The following MED25 variants were observed in gnomAD, a reference collection of about 807,000 sequenced individuals.
MED25 encodes the protein mediator of RNA polymerase II transcription subunit 25.
Under a neutral mutation model 89.4 loss-of-function variants are expected in MED25, and 62 were observed. That is an observed-to-expected ratio of 0.69 (90% CI 0.57 to 0.86). The LOEUF is 0.86. Among genes scored for constraint, MED25 ranks in the 40% least tolerant of loss-of-function variants. MED25 has a pLI of 0.00. For missense variants in MED25, 905 were observed against 1,005.2 expected (o/e 0.90, Z 1.35); for synonymous variants, 449 against 427.9 (o/e 1.05, Z -0.61).
rs762620231 is a variant in MED25 at position 49,835,210 on chromosome 19, G to A, written c.1674+33G>A. 56 of 1,611,520 alleles carry A rather than the reference G, an allele frequency of 3.5e-5. No homozygotes were observed. The highest frequency in any genetic ancestry group is 4.6e-5 in the Non-Finnish European group (54 of 1,178,178). On this transcript the variant is annotated intron_variant, in intron 14 of 17. Transcript: ENST00000312865. This position sits in a 1 kb window ranked among gnomAD's most constrained non-coding sequence, Gnocchi z 6.2. ...TTGACAGTCCCCAAACCAGCACTCC[G>A]ACCCCCTCCTGCCCGGGCCCCACAT...
rs772259172 is a variant in MED25, at chr19:49,828,438, TG to T, written c.306-10del. 38 of 1,597,592 alleles carry T rather than the reference TG, an allele frequency of 2.4e-5. No homozygotes were observed. The African/African-American group carries it at 4.6e-4, about 19-fold the overall frequency. ...TGGCAACCCTGGGGGCTGACCGCTC[TG>T]CCCCTGCAGGTTCATGGGCGGGGGT... On this transcript the variant is annotated splice_polypyrimidine_tract_variant and intron_variant, in intron 3 of 17. Transcript: ENST00000312865.
intron 3 of MED25, chr19:49,819,735 CT>C (rs1383678256): frequency 9.2e-6 from 3 of 326,354 alleles, no homozygotes; most frequent in Admixed American, 4.4e-5. Context: ...CCGTCTACCC[CT>C]GTCCTCCTTT....
chr19:49,828,936 C>T (rs369158132), intron 4 of MED25, 34 bp from the exon 5 acceptor site: 9 of 1,613,398 alleles, frequency 5.6e-6, no homozygotes, highest in Non-Finnish European at 5.1e-6. Context: ...GCCTCTGTTG[C>T]TGCTGGCTCC....
Position 49,835,447 on chromosome 19 carries a change from A to G in MED25, c.1675-87A>G. Reference sequence around the variant, plus strand: ...AAGAGAATGTCCCCATCTCCTTACTAGTTCCCCTCAGGGCACAGGCCCTCC... The same window carrying G: ...AAGAGAATGTCCCCATCTCCTTACTGGTTCCCCTCAGGGCACAGGCCCTCC... On this transcript the variant is annotated intron_variant, in intron 14 of 17. Transcript: ENST00000312865. The surrounding 1 kb of genome is among the most constrained non-coding windows in gnomAD (Gnocchi z 6.2). 7.7e-7 allele frequency: 1 copy of G among 1,305,256 alleles called. No individual in the cohort carries two copies. Among genetic ancestry groups the G allele is most frequent in the Admixed American group, 2.4e-5 (1 of 41,834 alleles). 80.9% of individuals were successfully genotyped at this position (1,305,256 alleles called of 1,614,324 possible).
rs1384765819 is a variant in MED25, at chr19:49,832,302, C to T, written c.1375-6C>T. 1 of 1,596,546 alleles carries T rather than the reference C, an allele frequency of 6.3e-7. No individual in the cohort carries two copies. ...GCATGCCAGCCGACTTCTGTGTCTC[C>T]CGCAGACCACCCTGGGCCCTTTGTT... On this transcript the variant is annotated splice_polypyrimidine_tract_variant and splice_region_variant and intron_variant, in intron 12 of 17. Transcript: ENST00000312865.
At position 49,831,245 on chromosome 19, in the gene MED25, C is replaced by A; in HGVS notation, c.1102-88C>A. The A allele has an allele frequency of 6.4e-6, 9 of 1,412,110 alleles. No individual in the cohort carries two copies. Among genetic ancestry groups the A allele is most frequent in the Non-Finnish European group, 8.7e-6 (9 of 1,035,208 alleles). 87.5% of individuals were successfully genotyped at this position (1,412,110 alleles called of 1,614,324 possible). A position where few individuals can be genotyped will look rare whatever the true frequency, so the allele number is the denominator to read the frequency against. ...TGGAGGGGCAGAAGAAGGGATCTTTCCTCCTTCCTGGTTTGCCCTCACAGG... is the reference window on the plus strand; with the variant it reads ...TGGAGGGGCAGAAGAAGGGATCTTTACTCCTTCCTGGTTTGCCCTCACAGG... On this transcript the variant is annotated intron_variant, in intron 9 of 17. Transcript: ENST00000312865. This position sits in a 1 kb window ranked among gnomAD's most constrained non-coding sequence, Gnocchi z 5.0.
At position 49,835,024 on chromosome 19, in the gene MED25, G is replaced by A. The variant is rs374814628; in HGVS notation, c.1521G>A (p.Glu507=). The change falls in exon 14 of 18, where the codon GAG becomes GAA. Residue 507 remains glutamate (E), a synonymous_variant. Transcript: ENST00000312865. The surrounding 1 kb of genome is among the most constrained non-coding windows in gnomAD (Gnocchi z 6.2). ...CVHFPHTAPC[E]VRVLMLLYSS... is the part of the protein sequence containing the mutation. The stretch of plus-strand genomic sequence containing the variant: ...ACTTCCCCCACACGGCGCCCTGTGA[G>A]GTGCGCGTGCTCATGCTCCTGTACT... 15 of 1,614,114 alleles carry A rather than the reference G, an allele frequency of 9.3e-6. No individual in the cohort carries two copies. The highest frequency in any genetic ancestry group is 1.1e-5 in the Non-Finnish European group (13 of 1,180,012).
In MED25 at chr19:49,836,355, C is replaced by G. The variant is rs770600111; in HGVS notation, c.2095C>G (p.Pro699Ala). 13 of 1,608,812 alleles carry G rather than the reference C, an allele frequency of 8.1e-6. No homozygotes were observed. The highest frequency in any genetic ancestry group is 1.1e-5 in the Non-Finnish European group (13 of 1,178,092). ...PQLGPPLLHP[P>A]PAQSWPAQLP... ...GTTGGGGCCCCCACTCCTGCATCCA[C>G]CACCTGCCCAGTCCTGGCCCGCACA... The change falls in exon 17 of 18, where the codon CCA (proline) becomes GCA (alanine). Residue 699 changes from proline (P) to alanine (A), a missense_variant. Coordinates refer to ENST00000312865, the MANE Select transcript of MED25 (RefSeq NM_030973.4). This position sits in a 1 kb window ranked among gnomAD's most constrained non-coding sequence, Gnocchi z 5.1.
At position 49,818,458 on chromosome 19, in the gene MED25, C is replaced by G. The variant is rs749356375; in HGVS notation, c.117C>G (p.Tyr39Ter). 1.2e-6 allele frequency: 2 copies of G among 1,614,198 alleles called. No individual in the cohort carries two copies. The highest frequency in any genetic ancestry group is 1.7e-6 in the Non-Finnish European group (2 of 1,180,046). Residue 39 changes from tyrosine to a stop codon, truncating the protein, a stop_gained, in exon 1 of 18, where the codon TAC becomes TAG. Transcript: ENST00000312865. LOFTEE classifies it high-confidence loss of function. ...GPYFEGLRKHYLLPAIEYFNG... is the reference protein window; with the variant it reads ...GPYFEGLRKH ...ACTTCGAGGGGCTCCGCAAGCACTA[C>G]CTGCTCCCGGCCATCGAGTGAGTGC...
intron 3 of MED25, among the ~76,000 whole-genome samples, chr19:49,820,858 A>G (rs1002980121): frequency 6.6e-6 from 1 of 152,236 alleles, no homozygotes; most frequent in Non-Finnish European, 1.5e-5. Context: ...CCAGCACAGA[A>G]CTAACTCTCA....
chr19:49,830,149 C>T lies in MED25; in HGVS notation c.750C>T (p.Ala250=), dbSNP rs1397405011. 1.1e-5 allele frequency: 18 copies of T among 1,604,646 alleles called. No homozygotes were observed. The highest frequency in any genetic ancestry group is 1.3e-5 in the Non-Finnish European group (15 of 1,173,430). ...QSKQPVPLPP[A]APSGATLSAA... is the part of the protein sequence containing the mutation. Reference sequence around the variant, plus strand: ...AGCAGCCAGTCCCCCTGCCTCCCGCCGCACCCTCAGGTGCCACTCTCTCAG... The same window carrying T: ...AGCAGCCAGTCCCCCTGCCTCCCGCTGCACCCTCAGGTGCCACTCTCTCAG... Residue 250 remains alanine (A), a synonymous_variant, in exon 7 of 18, where the codon GCC becomes GCT. Coordinates refer to ENST00000312865, the MANE Select transcript of MED25 (RefSeq NM_030973.4). The surrounding 1 kb of genome is among the most constrained non-coding windows in gnomAD (Gnocchi z 4.6).
Position 49,829,946 on chromosome 19 carries a change from C to T in MED25, c.686C>T (p.Pro229Leu). The T allele has an allele frequency of 6.2e-7, 1 of 1,611,020 alleles. No homozygotes were observed. The highest frequency in any genetic ancestry group is 8.5e-7 in the Non-Finnish European group (1 of 1,178,210). ...HMVLVRGLVL[P>L]VGGGSAPGPL... ...GTGCTGGTTCGGGGACTCGTGCTGC[C>T]TGGTGAGGCCTGGGCACCGTGCGCG... The change falls in exon 6 of 18, where the codon CCT becomes CTT. Residue 229 changes from proline to leucine, a missense_variant and splice_region_variant. This residue lies in a region of MED25 where 501 missense variants were observed against 526.9 expected (regional missense o/e 0.95). Coordinates refer to ENST00000312865, the MANE Select transcript of MED25 (RefSeq NM_030973.4). The surrounding 1 kb of genome is among the most constrained non-coding windows in gnomAD (Gnocchi z 4.6).
In MED25 at chr19:49,819,202, T is replaced by A; in HGVS notation, c.211T>A (p.Phe71Ile). The A allele has an allele frequency of 6.2e-7, 1 of 1,614,204 alleles. No homozygotes were observed. Among genetic ancestry groups the A allele is most frequent in the Non-Finnish European group, 8.5e-7 (1 of 1,180,020 alleles). Residue 71 changes from phenylalanine (F) to isoleucine (I), a missense_variant, in exon 3 of 18, where the codon TTC becomes ATC. Around this residue, in one of 3 missense-constraint regions of MED25, gnomAD observed 501 missense variants for 526.9 expected, o/e 0.95. Transcript: ENST00000312865. ...GGGGACCCAGTACAGCCTCGTGGTG[T>A]TCAACACAGTGGACTGCGCTCCCGA... ...YGGTQYSLVV[F>I]NTVDCAPESY...
In MED25 at chr19:49,821,839, T is replaced by C. The variant is rs1452830221; in HGVS notation, c.305+2543T>C. 1.0e-4 allele frequency among the ~76,000 whole-genome samples: 15 copies of C among 145,268 alleles called. No individual in the cohort carries two copies. The Admixed American group carries it at 1.0e-3, about 10-fold the overall frequency. ...CTCAAAAAAAAAAAAAAAAAAAAAT[T>C]TTGTAGTGGCGGGGCACGGTGGCTC... On this transcript the variant is annotated intron_variant, in intron 3 of 17. Transcript: ENST00000312865.
rs745454610 is a variant in MED25, at chr19:49,819,204, C to T, written c.213C>T (p.Phe71=). ...YGGTQYSLVV[F]NTVDCAPESY... ...GGACCCAGTACAGCCTCGTGGTGTT[C>T]AACACAGTGGACTGCGCTCCCGAGT... Residue 71 remains phenylalanine (F), a synonymous_variant, in exon 3 of 18, where the codon TTC becomes TTT. Coordinates refer to ENST00000312865, the MANE Select transcript of MED25 (RefSeq NM_030973.4). The T allele has an allele frequency of 1.2e-5, 20 of 1,614,072 alleles. No individual in the cohort carries two copies. The South Asian group carries it at 2.0e-4, about 16-fold the overall frequency.
At chr19:49,824,887 C>T (rs924446400) in intron 3 of MED25, among the ~76,000 whole-genome samples, 1 of 152,110 alleles carries the variant, frequency 6.6e-6, no homozygotes, top group African/African-American at 2.4e-5. Flanking sequence ...CCGATGAAAG[C>T]GGGCAGCAGA....
intron 3 of MED25, 152 bp downstream of exon 3, chr19:49,819,448 A>C: frequency 8.7e-6 from 7 of 803,658 alleles, no homozygotes; most frequent in East Asian, 8.5e-5. Context: ...TGAATAAGTA[A>C]TGGCTTGGGG....
chr19:49,837,168 G>A (rs577905726), downstream of MED25, among the ~76,000 whole-genome samples: 14 of 152,328 alleles, frequency 9.2e-5, no homozygotes, highest in South Asian at 2.9e-3. Context: ...CAGGCAGGCA[G>A]CGCTCAGGAC....
intron 4 of MED25, 43 bp from the exon 5 acceptor site, chr19:49,828,927 C>T: frequency 6.2e-7 from 1 of 1,612,688 alleles, no homozygotes; most frequent in Non-Finnish European, 8.5e-7. Context: ...CTTCTCAGGG[C>T]CTCTGTTGCT....
Sources: allele counts gnomAD v4.1 joint callset (sites outside exome capture counted in the v4.1 genomes callset), GRCh38; gene constraint gnomAD v4.1.1; regional missense constraint gnomAD v4.1.1; non-coding constraint Gnocchi (gnomAD v3.1); transcripts MANE v1.5; gene names NCBI Gene and HGNC (gene_info 2026-07-23, HGNC 2026-07-21).